The following RIC8B variants were observed in gnomAD, a reference collection of about 807,000 sequenced individuals.
RIC8B encodes chaperone Ric-8B.
RIC8B carries 16 observed loss-of-function variants against 57.5 expected under a neutral mutation model. The ratio of observed to expected loss-of-function variants is 0.28; its 90% confidence interval spans 0.19 to 0.42. The LOEUF (loss-of-function observed/expected upper bound fraction) is 0.42. Among genes scored for constraint, RIC8B ranks in the 10% least tolerant of loss-of-function variants. RIC8B has a pLI of 1.00. For synonymous variants in RIC8B, 216 were observed against 250.8 expected (o/e 0.86, Z 1.31); for missense variants, 481 against 677.0 (o/e 0.71, Z 3.21).
intron 9 of RIC8B, among the ~76,000 whole-genome samples, chr12:106,884,850 G>A (rs1951102765): frequency 6.6e-6 from 1 of 152,254 alleles, no homozygotes; most frequent in African/African-American, 2.4e-5. Flanking sequence ...TTGGCCTAAG[G>A]GACAACTGTG....
At chr12:106,797,874 CTGGCTCCAAGACCCG>C in intron 2 of RIC8B, 1 of 442,114 alleles carries the variant, frequency 2.3e-6, no homozygotes, top group East Asian at 3.5e-5. Context: ...CTTAGGCAGC[CTGGCTCCAAGACCCG>C]TGTGCTACAC....
At chr12:106,775,405 A>G (rs772208332) in intron 1 of RIC8B, 2 of 455,940 alleles carry the variant, frequency 4.4e-6, no homozygotes, top group Non-Finnish European at 8.8e-6. Flanking sequence ...ATCACGCCCA[A>G]GGTCATGGAC....
chr12:106,808,335 T>C lies in RIC8B; in HGVS notation c.133-6361T>C, dbSNP rs57093623. On this transcript the variant is annotated intron_variant, in intron 2 of 9. Transcript: ENST00000392837. ...TCTATGGAGGTCCTGGAACTAGCCT[T>C]CTGAGGACACTGAGGGACAACTATA... 8.9e-4 allele frequency among the ~76,000 whole-genome samples: 136 copies of C among 152,270 alleles called. 2 individuals carry two copies. Among genetic ancestry groups the C allele is most frequent in the African/African-American group, 2.8e-3 (118 of 41,552 alleles).
At chr12:106,823,508 C>G (rs2045949526) in intron 3 of RIC8B, 3 of 451,596 alleles carry the variant, frequency 6.6e-6, no homozygotes, top group Non-Finnish European at 1.3e-5. Flanking sequence ...GGATAGATTT[C>G]CAAAAGTCTG....
intron 2 of RIC8B, among the ~76,000 whole-genome samples, chr12:106,802,318 T>C (rs1259009380): frequency 6.6e-6 from 1 of 152,190 alleles, no homozygotes; most frequent in Non-Finnish European, 1.5e-5. Context: ...CCCAGATGAA[T>C]GTGCATAACC....
At chr12:106,786,090 C>T (rs2044008691) in intron 2 of RIC8B, among the ~76,000 whole-genome samples, 1 of 151,088 alleles carries the variant, frequency 6.6e-6, no homozygotes, top group South Asian at 2.1e-4. Flanking sequence ...ACTTTGACCT[C>T]CTACAGCCCT....
At chr12:106,865,293 G>T (rs1028165879) in intron 8 of RIC8B, among the ~76,000 whole-genome samples, 3 of 152,070 alleles carry the variant, frequency 2.0e-5, no homozygotes, top group African/African-American at 7.2e-5. Context: ...GCTTGTCTTT[G>T]GGATTTTTAG....
At chr12:106,856,573 T>C (rs567066911) in intron 7 of RIC8B, among the ~76,000 whole-genome samples, 2 of 152,218 alleles carry the variant, frequency 1.3e-5, no homozygotes, top group African/African-American at 2.4e-5. Flanking sequence ...TTAAGCATCA[T>C]CTCTGTGAAG....
At chr12:106,791,959 T>C (rs1334557129) in intron 2 of RIC8B, among the ~76,000 whole-genome samples, 1 of 152,194 alleles carries the variant, frequency 6.6e-6, no homozygotes, top group African/African-American at 2.4e-5. Flanking sequence ...CACACTCCAG[T>C]TTTTACTAAA....
chr12:106,818,805 TGCCCAGG>T, intron 3 of RIC8B, among the ~76,000 whole-genome samples: 1 of 152,076 alleles, frequency 6.6e-6, no homozygotes, highest in East Asian at 1.9e-4. Context: ...TCCCTCTTGT[TGCCCAGG>T]CTGGAGTGCA....
chr12:106,871,862 G>A (rs1416718346), intron 9 of RIC8B, among the ~76,000 whole-genome samples: 1 of 152,192 alleles, frequency 6.6e-6, no homozygotes, highest in Non-Finnish European at 1.5e-5. Context: ...AGGGAAAGGT[G>A]GAACACAGAA....
intron 3 of RIC8B, among the ~76,000 whole-genome samples, chr12:106,821,186 T>C (rs572618806): frequency 6.6e-6 from 1 of 152,276 alleles, no homozygotes; most frequent in African/African-American, 2.4e-5. Context: ...ATCAGAGAGT[T>C]TAAATTACTT....
chr12:106,789,548 A>C (rs575984137), intron 2 of RIC8B, among the ~76,000 whole-genome samples: 4 of 152,258 alleles, frequency 2.6e-5, no homozygotes, highest in African/African-American at 9.6e-5. Flanking sequence ...GGGAGGCGAA[A>C]GGTACTTCTT....
At chr12:106,824,620 G>A (rs2046009647) in intron 3 of RIC8B, among the ~76,000 whole-genome samples, 1 of 152,178 alleles carries the variant, frequency 6.6e-6, no homozygotes, top group African/African-American at 2.4e-5. Flanking sequence ...TTTTGGCTGG[G>A]TGCAGTGGCT....
At chr12:106,800,111 G>T (rs1267598972) in intron 2 of RIC8B, among the ~76,000 whole-genome samples, 2 of 152,086 alleles carry the variant, frequency 1.3e-5, no homozygotes, top group Non-Finnish European at 2.9e-5. Context: ...AATCCCAAGA[G>T]ACCGGGGCCT....
chr12:106,814,479 T>C (rs980778315), intron 2 of RIC8B, among the ~76,000 whole-genome samples: 2 of 152,216 alleles, frequency 1.3e-5, no homozygotes, highest in African/African-American at 4.8e-5. Flanking sequence ...CGTTAATCTT[T>C]ATTTCTGGGA....
rs1237620937 is a variant in RIC8B, at chr12:106,867,515, C to T, written c.1452-3308C>T. 1.3e-5 allele frequency among the ~76,000 whole-genome samples: 2 copies of T among 152,114 alleles called. No individual in the cohort carries two copies. Among genetic ancestry groups the T allele is most frequent in the African/African-American group, 4.8e-5 (2 of 41,418 alleles). On this transcript the variant is annotated intron_variant, in intron 8 of 9. Coordinates refer to ENST00000392837, the MANE Select transcript of RIC8B (RefSeq NM_001330145.2). This position sits in a 1 kb window ranked among gnomAD's most constrained non-coding sequence, Gnocchi z 4.3. ...TAAAACTAACTCCAGAATTTCATAG[C>T]GTTAAGATTGAAACCTGGACTGTGG...
At chr12:106,865,814 C>G (rs1950115955) in intron 8 of RIC8B, among the ~76,000 whole-genome samples, 1 of 152,154 alleles carries the variant, frequency 6.6e-6, no homozygotes, top group South Asian at 2.1e-4. Context: ...TATACTTGCA[C>G]CCTTTCTTGC....
chr12:106,774,846 C>T lies in RIC8B; in HGVS notation c.84+17C>T, dbSNP rs1162582796. 13 of 1,545,952 alleles carry T rather than the reference C, an allele frequency of 8.4e-6. No homozygotes were observed. ...AGCGACAAGGTAAAGAGTCCTGGCC[C>T]CGGGCGTGCGGTATCGCACCCCCGG... is the stretch of plus-strand genomic sequence containing the variant. On this transcript the variant is annotated intron_variant, in intron 1 of 9. Coordinates refer to ENST00000392837, the MANE Select transcript of RIC8B (RefSeq NM_001330145.2).
Sources: gnomAD v4.1 joint callset for allele counts (sites outside exome capture counted in the v4.1 genomes callset) on GRCh38, gnomAD v4.1.1 for gene constraint, Gnocchi (gnomAD v3.1) non-coding constraint, MANE v1.5 for transcripts, NCBI Gene and HGNC (gene_info 2026-07-23, HGNC 2026-07-21) for gene names.